Variants in DDX43 observed in about 807,000 individuals in gnomAD.
DDX43 encodes probable ATP-dependent RNA helicase DDX43.
DDX43 carries 50 observed loss-of-function variants against 84.9 expected under a neutral mutation model. That is an observed-to-expected ratio of 0.59 (90% CI 0.47 to 0.75). The LOEUF (loss-of-function observed/expected upper bound fraction) is 0.75. Among genes scored for constraint, DDX43 ranks in the 30% least tolerant of loss-of-function variants. The probability of loss-of-function intolerance (pLI) is 0.00; values close to 1 mark genes in which losing one functional copy is unlikely to be tolerated. For synonymous variants in DDX43, 291 were observed against 266.3 expected, an observed-to-expected ratio of 1.09 and a Z score of -0.90; for missense variants, 689 against 798.6, an observed-to-expected ratio of 0.86 and a Z score of 1.65.
At chr6:73,404,016 A>G (rs1769627103) in intron 4 of DDX43, among the ~76,000 whole-genome samples, 1 of 152,070 alleles carries the variant, frequency 6.6e-6, no homozygotes, top group South Asian at 2.1e-4. Flanking sequence ...ATGGGGTTTC[A>G]CTATGTTGGC....
intron 11 of DDX43, among the ~76,000 whole-genome samples, chr6:73,413,114 T>G (rs1769834952): frequency 6.6e-6 from 1 of 152,196 alleles, no homozygotes; most frequent in African/African-American, 2.4e-5. Context: ...TACATAAATA[T>G]AAGTCTGTTC....
At chr6:73,399,764 A>G (rs1468620792) in intron 2 of DDX43, among the ~76,000 whole-genome samples, 1 of 152,224 alleles carries the variant, frequency 6.6e-6, no homozygotes, top group Non-Finnish European at 1.5e-5. Flanking sequence ...TGAGTTAAGG[A>G]TAGAATCCCA....
At chr6:73,413,905 A>G in intron 12 of DDX43, 65 bp from the exon 13 acceptor site, 1 of 1,522,648 alleles carries the variant, frequency 6.6e-7, no homozygotes, top group Non-Finnish European at 9.0e-7. Flanking sequence ...ATTTTTGCTA[A>G]CAGAAGTAAA....
intron 1 of DDX43, among the ~76,000 whole-genome samples, chr6:73,396,990 C>G (rs891131188): frequency 6.6e-6 from 1 of 152,076 alleles, no homozygotes; most frequent in Non-Finnish European, 1.5e-5. Flanking sequence ...TAGCTTCCAC[C>G]TTTTGATTTC....
chr6:73,398,553 G>A (rs997075638), intron 2 of DDX43, among the ~76,000 whole-genome samples: 3 of 151,420 alleles, frequency 2.0e-5, no homozygotes, highest in African/African-American at 7.4e-5. Context: ...GGCCCAGTCG[G>A]AGGTAAAAAT....
chr6:73,408,200 C>A, intron 9 of DDX43, 99 bp downstream of exon 9: 1 of 1,242,066 alleles, frequency 8.1e-7, no homozygotes, highest in South Asian at 1.4e-5. Context: ...TTTGGGAGGC[C>A]GAGGCAGGTG....
rs1769867881 is a variant in DDX43, at chr6:73,414,645, TGAA to T, written c.1708_1710del (p.Glu570del). On this transcript the variant is annotated inframe_deletion, in exon 14 of 17. Coordinates refer to ENST00000370336, the MANE Select transcript of DDX43 (RefSeq NM_018665.3). ...ATAATTTTGACTTTCCACGGAATATTGAAGAATACGTACACCGAATAGGGCGCA... is the reference window on the plus strand; with the variant it reads ...ATAATTTTGACTTTCCACGGAATATTGAATACGTACACCGAATAGGGCGCA... The T allele has an allele frequency of 6.2e-7, 1 of 1,614,116 alleles. No individual in the cohort carries two copies. The highest frequency in any genetic ancestry group is 8.5e-7 in the Non-Finnish European group (1 of 1,180,006).
intron 3 of DDX43, 66 bp from the exon 4 acceptor site, chr6:73,401,793 C>T: frequency 7.3e-7 from 1 of 1,371,050 alleles, no homozygotes; most frequent in Non-Finnish European, 9.6e-7. Context: ...CAGAGCGAGA[C>T]TCCATCTCAA....
chr6:73,409,627 A>G (rs541353638), intron 10 of DDX43, among the ~76,000 whole-genome samples: 1 of 152,352 alleles, frequency 6.6e-6, no homozygotes, highest in East Asian at 1.9e-4. Flanking sequence ...GGAGATAAGC[A>G]TTTGATTACT....
intron 11 of DDX43, among the ~76,000 whole-genome samples, chr6:73,412,668 T>TGTGTGTGTGTGTGCGC (rs538597626): frequency 0.035 from 3,721 of 107,436 alleles, 144 homozygotes; most frequent in African/African-American, 0.042. Flanking sequence ...TGTGTGTGTG[T>TGTGTGTGTGTGTGCGC]GCGCGCGCGC....
intron 2 of DDX43, among the ~76,000 whole-genome samples, chr6:73,399,669 A>C (rs1769531666): frequency 6.6e-6 from 1 of 152,178 alleles, no homozygotes; most frequent in African/African-American, 2.4e-5. Context: ...GGGTATTTGA[A>C]ATTATGGATG....
intron 1 of DDX43, among the ~76,000 whole-genome samples, chr6:73,397,059 T>A (rs1027224428): frequency 3.9e-5 from 6 of 152,242 alleles, no homozygotes; most frequent in African/African-American, 1.4e-4. Flanking sequence ...CTTTAAATTC[T>A]TTTGGATGTA....
At chr6:73,405,282 G>C (rs892825979) in intron 5 of DDX43, among the ~76,000 whole-genome samples, 2 of 152,168 alleles carry the variant, frequency 1.3e-5, no homozygotes, top group African/African-American at 4.8e-5. Context: ...GTAACTTACT[G>C]TATGATCACC....
intron 2 of DDX43, 91 bp from the exon 3 acceptor site, chr6:73,400,143 A>C: frequency 1.9e-6 from 2 of 1,060,412 alleles, no homozygotes. Context: ...TTTGAAGTTG[A>C]GTGATTGTTG....
chr6:73,408,201 G>A (rs1018701185), intron 9 of DDX43, 100 bp downstream of exon 9: 13 of 1,187,562 alleles, frequency 1.1e-5, no homozygotes, highest in South Asian at 2.8e-5. Context: ...TTGGGAGGCC[G>A]AGGCAGGTGG....
Position 73,412,298 on chromosome 6 carries a change from CTT to C in DDX43, c.1368+13_1368+14del. 6.3e-7 allele frequency: 1 copy of C among 1,598,274 alleles called. No individual in the cohort carries two copies. Among genetic ancestry groups the C allele is most frequent in the Middle Eastern group, 1.7e-4 (1 of 5,870 alleles). ...TTGGTACATTGGATCTAGTTGTAAG[CTT>C]TTTTTTATTACTATTGTTTAACATT... On this transcript the variant is annotated splice_region_variant and intron_variant, in intron 11 of 16. Transcript: ENST00000370336.
chr6:73,403,454 A>G (rs564689645), intron 4 of DDX43, among the ~76,000 whole-genome samples: 5 of 152,250 alleles, frequency 3.3e-5, no homozygotes, highest in African/African-American at 1.2e-4. Context: ...TGGGCGACAG[A>G]GTAAGACTCC....
chr6:73,412,081 C>A, intron 10 of DDX43, 124 bp from the exon 11 acceptor site: 1 of 707,174 alleles, frequency 1.4e-6, no homozygotes, highest in Non-Finnish European at 2.4e-6. Context: ...TTAAATTTGC[C>A]TTACTTATTG....
chr6:73,405,678 G>T lies in DDX43; in HGVS notation c.651-1G>T. 1 of 1,611,406 alleles carries T rather than the reference G, an allele frequency of 6.2e-7. No homozygotes were observed. The highest frequency in any genetic ancestry group is 8.5e-7 in the Non-Finnish European group (1 of 1,179,228). On this transcript the variant is annotated splice_acceptor_variant, in intron 5 of 16. Coordinates refer to ENST00000370336, the MANE Select transcript of DDX43 (RefSeq NM_018665.3). LOFTEE classifies it high-confidence loss of function. ...CCACTGATGTTTTTTATTCTTTGAA[G>T]GAAAGAAAATTTTAATATAACGTGG...
Sources: gnomAD v4.1 joint callset for allele counts (sites outside exome capture counted in the v4.1 genomes callset) on GRCh38, gnomAD v4.1.1 for gene constraint, MANE v1.5 for transcripts, NCBI Gene and HGNC (gene_info 2026-07-23, HGNC 2026-07-21) for gene names.